The following ZBTB7C variants were observed in gnomAD, a reference collection of about 807,000 sequenced individuals.
ZBTB7C encodes the protein zinc finger and BTB domain containing 7C, also known as zinc finger and BTB domain-containing protein 7C.
A neutral mutation model predicts 25.7 loss-of-function variants in ZBTB7C; 8 were observed. The ratio of observed to expected loss-of-function variants is 0.31; its 90% CI spans 0.18 to 0.56. The LOEUF is 0.56. Among genes scored for constraint, ZBTB7C ranks in the 20% least tolerant of loss-of-function variants. The probability of loss-of-function intolerance (pLI) is 0.91; values close to 1 mark genes in which losing one functional copy is unlikely to be tolerated. For synonymous variants in ZBTB7C, 394 were observed against 369.0 expected, an observed-to-expected ratio of 1.07 and a Z score of -0.78; for missense variants, 824 against 855.2, an observed-to-expected ratio of 0.96 and a Z score of 0.46.
At chr18:48,107,352 C>T (rs1187407265) in intron 3 of ZBTB7C, among the ~76,000 whole-genome samples, 1 of 149,426 alleles carries the variant, frequency 6.7e-6, no homozygotes, top group Non-Finnish European at 1.5e-5. Context: ...GCTGAAAAAG[C>T]AGGGTCCAGA....
At chr18:48,321,034 T>A (rs1051675100) in intron 2 of ZBTB7C, among the ~76,000 whole-genome samples, 5 of 152,246 alleles carry the variant, frequency 3.3e-5, no homozygotes, top group African/African-American at 1.2e-4. Context: ...TTCTCTACCT[T>A]AGCTGCCCAT....
At chr18:48,375,243 C>T (rs2047492016) in intron 1 of ZBTB7C, among the ~76,000 whole-genome samples, 1 of 152,208 alleles carries the variant, frequency 6.6e-6, no homozygotes, top group Non-Finnish European at 1.5e-5. Context: ...GGAAACCCAC[C>T]CGCAGTCTCT....
At chr18:48,073,605 G>T (rs897466115) in intron 3 of ZBTB7C, among the ~76,000 whole-genome samples, 9 of 152,158 alleles carry the variant, frequency 5.9e-5, no homozygotes, top group African/African-American at 2.2e-4. Flanking sequence ...TTTGAACAGG[G>T]AGAAGGCTCT....
chr18:48,201,515 C>G (rs1471447711), intron 2 of ZBTB7C, among the ~76,000 whole-genome samples: 1 of 152,066 alleles, frequency 6.6e-6, no homozygotes, highest in Non-Finnish European at 1.5e-5. Flanking sequence ...AGCCCAGTGA[C>G]TCATGGCATT....
intron 2 of ZBTB7C, among the ~76,000 whole-genome samples, chr18:48,246,312 C>A (rs1429880275): frequency 1.3e-5 from 2 of 151,940 alleles, no homozygotes; most frequent in Non-Finnish European, 2.9e-5. Flanking sequence ...TGCCTGTAGT[C>A]CCAGCTACTT....
At chr18:48,249,212 G>C (rs1240030439) in intron 2 of ZBTB7C, among the ~76,000 whole-genome samples, 1 of 152,174 alleles carries the variant, frequency 6.6e-6, no homozygotes, top group Admixed American at 6.5e-5. Flanking sequence ...GCAATATAGA[G>C]AAAGAGCCAT....
chr18:48,163,945 C>T (rs1026713615), intron 3 of ZBTB7C, among the ~76,000 whole-genome samples: 1 of 152,178 alleles, frequency 6.6e-6, no homozygotes, highest in Non-Finnish European at 1.5e-5. Flanking sequence ...GGCGGAGGCT[C>T]CTGCCAGGTC....
At chr18:48,161,726 C>T (rs1204866452) in intron 3 of ZBTB7C, among the ~76,000 whole-genome samples, 1 of 149,682 alleles carries the variant, frequency 6.7e-6, no homozygotes, top group Non-Finnish European at 1.5e-5. Flanking sequence ...CCCGCCCCAG[C>T]CCCGCCCCGC....
chr18:48,321,889 G>A (rs72911523), intron 2 of ZBTB7C, among the ~76,000 whole-genome samples: 7,120 of 152,308 alleles, frequency 0.047, 251 homozygotes, highest in Middle Eastern at 0.082. Context: ...GGGATGGAAG[G>A]AGGAGGTGGA....
intron 3 of ZBTB7C, among the ~76,000 whole-genome samples, chr18:48,051,468 C>T (rs1316361311): frequency 6.6e-6 from 1 of 152,222 alleles, no homozygotes; most frequent in African/African-American, 2.4e-5. Flanking sequence ...CCCTCATCCC[C>T]TCATCCAAGG....
intron 2 of ZBTB7C, among the ~76,000 whole-genome samples, chr18:48,252,001 C>T (rs2043873714): frequency 6.6e-6 from 1 of 152,204 alleles, no homozygotes; most frequent in African/African-American, 2.4e-5. Context: ...GTATTTACCC[C>T]AGACAATGAC....
At chr18:48,262,244 C>G (rs2044192332) in intron 2 of ZBTB7C, among the ~76,000 whole-genome samples, 1 of 152,198 alleles carries the variant, frequency 6.6e-6, no homozygotes, top group Non-Finnish European at 1.5e-5. Flanking sequence ...ACCCAAGCTC[C>G]CTGGCTCATG....
At chr18:48,318,204 CA>C (rs2045996536) in intron 2 of ZBTB7C, among the ~76,000 whole-genome samples, 1 of 146,642 alleles carries the variant, frequency 6.8e-6, no homozygotes, top group South Asian at 2.1e-4. Context: ...TTGCAAAAAA[CA>C]AAACAAAACA....
chr18:48,205,881 C>T (rs1012211324), intron 2 of ZBTB7C, among the ~76,000 whole-genome samples: 15 of 152,124 alleles, frequency 9.9e-5, no homozygotes, highest in African/African-American at 3.6e-4. Context: ...CACACTACCC[C>T]CAAGCTGGGC....
chr18:48,191,085 G>A (rs775305569), intron 2 of ZBTB7C, among the ~76,000 whole-genome samples: 5 of 152,168 alleles, frequency 3.3e-5, no homozygotes, highest in African/African-American at 4.8e-5. Flanking sequence ...AGACAAGAGC[G>A]GAAGTCAGGT....
chr18:48,390,013 T>C (rs1372980385), intron 1 of ZBTB7C, among the ~76,000 whole-genome samples: 2 of 152,188 alleles, frequency 1.3e-5, no homozygotes, highest in Admixed American at 1.3e-4. Flanking sequence ...TGGTGTCAAA[T>C]GAAGCTATGG....
At chr18:48,136,684 G>A (rs2040177078) in intron 3 of ZBTB7C, among the ~76,000 whole-genome samples, 1 of 152,200 alleles carries the variant, frequency 6.6e-6, no homozygotes, top group Non-Finnish European at 1.5e-5. Context: ...CGGCGGCAAT[G>A]GGGCAGTGGC....
intron 3 of ZBTB7C, chr18:48,137,115 G>C: frequency 5.1e-6 from 5 of 985,494 alleles, no homozygotes; most frequent in Non-Finnish European, 6.0e-6. Flanking sequence ...GCCTGCCGCA[G>C]CCGGCGGGAG....
chr18:48,373,725 G>A (rs751127286), intron 1 of ZBTB7C, among the ~76,000 whole-genome samples: 17 of 152,210 alleles, frequency 1.1e-4, no homozygotes, highest in Admixed American at 2.6e-4. Flanking sequence ...ACTTTGGGAG[G>A]TCAAGGCGGG....
Sources: allele counts gnomAD v4.1 joint callset (sites outside exome capture counted in the v4.1 genomes callset), GRCh38; gene constraint gnomAD v4.1.1; transcripts MANE v1.5; gene names NCBI Gene and HGNC (gene_info 2026-07-23, HGNC 2026-07-21).